Variants in SLC2A9 observed in about 807,000 individuals in gnomAD.
SLC2A9 encodes solute carrier family 2 member 9, also known as solute carrier family 2, facilitated glucose transporter member 9.
SLC2A9 carries 39 observed loss-of-function variants against 50.6 expected under a neutral mutation model. The ratio of observed to expected loss-of-function variants is 0.77; its 90% CI spans 0.60 to 1.01. SLC2A9 has a LOEUF of 1.01. Ranked by LOEUF, SLC2A9 falls within the 50% of genes least tolerant of loss-of-function variation. The probability of loss-of-function intolerance (pLI) is 0.00; values close to 1 mark genes in which losing one functional copy is unlikely to be tolerated. For missense variants in SLC2A9, 686 were observed against 677.6 expected (o/e 1.01, Z -0.14); for synonymous variants, 324 against 276.9 (o/e 1.17, Z -1.69).
chr4:9,809,134 G>C (rs1194622844), intron 3 of SLC2A9, among the ~76,000 whole-genome samples: 1 of 152,204 alleles, frequency 6.6e-6, no homozygotes, highest in Non-Finnish European at 1.5e-5. Context: ...AAGGTTTAGA[G>C]TAGGTAGGCT....
intron 10 of SLC2A9, among the ~76,000 whole-genome samples, chr4:9,844,568 C>T (rs1270281031): frequency 2.6e-5 from 4 of 152,192 alleles, no homozygotes; most frequent in African/African-American, 9.7e-5. Context: ...GAATTATGCA[C>T]GTTCTTCATA....
chr4:10,027,957 T>C (rs1457809899), intron 1 of SLC2A9, among the ~76,000 whole-genome samples: 2 of 152,192 alleles, frequency 1.3e-5, no homozygotes, highest in Non-Finnish European at 2.9e-5. Flanking sequence ...ATCTGTTGTA[T>C]CCATGAATCC....
intron 7 of SLC2A9, among the ~76,000 whole-genome samples, chr4:9,917,787 G>C (rs1007795400): frequency 6.6e-6 from 1 of 152,190 alleles, no homozygotes; most frequent in Non-Finnish European, 1.5e-5. Context: ...GCCATTTTTG[G>C]TTGTCACAGC....
chr4:10,024,671 T>C (rs1471789764), upstream of SLC2A9, among the ~76,000 whole-genome samples: 1 of 152,192 alleles, frequency 6.6e-6, no homozygotes, highest in Non-Finnish European at 1.5e-5. Context: ...CTCTTTGTAT[T>C]CCTAGACTTC....
intron 5 of SLC2A9, among the ~76,000 whole-genome samples, chr4:9,967,163 G>GT (rs927240377): frequency 8.5e-5 from 13 of 152,084 alleles, no homozygotes; most frequent in African/African-American, 2.2e-4. Context: ...AATTGAGATT[G>GT]TTTTTTAAAA....
intron 10 of SLC2A9, 87 bp downstream of exon 10, chr4:9,887,480 G>A: frequency 7.6e-7 from 1 of 1,319,800 alleles, no homozygotes; most frequent in South Asian, 1.3e-5. Context: ...CTGGGCTCTG[G>A]GTTCCCCATC....
intron 8 of SLC2A9, among the ~76,000 whole-genome samples, chr4:9,900,023 G>A (rs1739301788): frequency 6.6e-6 from 1 of 152,094 alleles, no homozygotes; most frequent in Non-Finnish European, 1.5e-5. Flanking sequence ...GGTTTGTGAG[G>A]ATACATTCAT....
intron 3 of SLC2A9, among the ~76,000 whole-genome samples, chr4:9,816,265 T>A (rs1723578209): frequency 6.6e-6 from 1 of 152,198 alleles, no homozygotes; most frequent in Admixed American, 6.5e-5. Context: ...ACTCATTACC[T>A]GCTCTGGAGA....
chr4:9,924,954 C>G (rs1409990221), intron 6 of SLC2A9, among the ~76,000 whole-genome samples: 1 of 152,212 alleles, frequency 6.6e-6, no homozygotes, highest in Non-Finnish European at 1.5e-5. Flanking sequence ...GGCTAATCCC[C>G]AGGAAGATGA....
intron 10 of SLC2A9, among the ~76,000 whole-genome samples, chr4:9,853,935 G>T (rs576577808): frequency 6.6e-6 from 1 of 152,014 alleles, no homozygotes; most frequent in African/African-American, 2.4e-5. Context: ...TAAAGAAATT[G>T]ATTGAAATTA....
Position 9,941,954 on chromosome 4 carries a change from T to C in SLC2A9, c.773A>G (p.Tyr258Cys), listed in dbSNP as rs753705588. ...SLPFLPDSPR[Y>C]LLLEKHNEAR... ...CTCGTTGTGCTTCTCCAAGAGCAGGTAGCGTGGGCTGTCCGGGAGAAAGGG... is the reference window on the plus strand; with the variant it reads ...CTCGTTGTGCTTCTCCAAGAGCAGGCAGCGTGGGCTGTCCGGGAGAAAGGG... Residue 258 changes from tyrosine (Y) to cysteine (C), a missense_variant, in exon 6 of 12, where the codon TAC becomes TGC. Physicochemically the swap from Tyr to Cys is radical, Grantham distance 194. Transcript: ENST00000264784. 1.9e-6 allele frequency: 3 copies of C among 1,614,160 alleles called. No homozygotes were observed. The highest frequency in any genetic ancestry group is 2.5e-6 in the Non-Finnish European group (3 of 1,180,020).
At chr4:9,943,041 T>C (rs1327196117) in intron 5 of SLC2A9, among the ~76,000 whole-genome samples, 1 of 152,190 alleles carries the variant, frequency 6.6e-6, no homozygotes, top group Non-Finnish European at 1.5e-5. Context: ...CTCAGGATCC[T>C]GGGGCACCAG....
At chr4:9,800,325 G>T (rs547168740) in intron 3 of SLC2A9, among the ~76,000 whole-genome samples, 231 of 152,270 alleles carry the variant, frequency 1.5e-3, no homozygotes, top group Non-Finnish European at 2.7e-3. Context: ...ACCTTATTTA[G>T]AAATGTCCTT....
At chr4:9,909,794 A>G (rs1741354685) in intron 7 of SLC2A9, among the ~76,000 whole-genome samples, 1 of 152,240 alleles carries the variant, frequency 6.6e-6, no homozygotes, top group African/African-American at 2.4e-5. Flanking sequence ...ATGAATTCTG[A>G]TGGGGACACC....
At chr4:9,779,715 A>G (rs1360638738), downstream of SLC2A9, 2 of 151,154 alleles carry the variant, frequency 1.3e-5, no homozygotes, top group Non-Finnish European at 2.9e-5. Flanking sequence ...TGCACAGCCT[A>G]GACTTCAAGC....
intron 10 of SLC2A9, among the ~76,000 whole-genome samples, chr4:9,866,656 C>T (rs1417626965): frequency 6.6e-6 from 1 of 152,104 alleles, no homozygotes. Flanking sequence ...GATACGGGGA[C>T]GATGCTGCCA....
At chr4:9,822,531 T>C (rs2109053059), downstream of SLC2A9, among the ~76,000 whole-genome samples, 1 of 152,340 alleles carries the variant, frequency 6.6e-6, no homozygotes, top group East Asian at 1.9e-4. Context: ...ATTTGCGTAC[T>C]ATATATTTTC....
At chr4:10,022,773 G>A (rs1345046687), upstream of SLC2A9, among the ~76,000 whole-genome samples, 2 of 152,318 alleles carry the variant, frequency 1.3e-5, no homozygotes, top group Middle Eastern at 3.4e-3. Context: ...AATGTGAAAC[G>A]CACGTGGAAA....
intron 6 of SLC2A9, among the ~76,000 whole-genome samples, chr4:9,933,431 C>G (rs1746503024): frequency 6.6e-6 from 1 of 152,140 alleles, no homozygotes; most frequent in African/African-American, 2.4e-5. Context: ...TTTTGCTCTC[C>G]CAGCCCTACT....
Sources: gnomAD v4.1 joint callset for allele counts (sites outside exome capture counted in the v4.1 genomes callset) on GRCh38, gnomAD v4.1.1 for gene constraint, MANE v1.5 for transcripts, NCBI Gene and HGNC (gene_info 2026-07-23, HGNC 2026-07-21) for gene names.